The following UXS1 variants were observed in gnomAD, a reference collection of about 807,000 sequenced individuals.
The protein encoded by UXS1 is UDP-glucuronate decarboxylase 1.
A neutral mutation model predicts 62.6 loss-of-function variants in UXS1; 33 were observed. The ratio of observed to expected loss-of-function variants is 0.53; its 90% confidence interval spans 0.40 to 0.70. UXS1 has a LOEUF of 0.70. Among genes scored for constraint, UXS1 ranks in the 30% least tolerant of loss-of-function variants. UXS1 has a pLI of 0.00. For synonymous variants in UXS1, 213 were observed against 206.8 expected (o/e 1.03, Z -0.26); for missense variants, 434 against 556.3 (o/e 0.78, Z 2.21).
At chr2:106,152,697 G>T (rs1195750797) in intron 5 of UXS1, among the ~76,000 whole-genome samples, 1 of 152,092 alleles carries the variant, frequency 6.6e-6, no homozygotes, top group African/African-American at 2.4e-5. Context: ...TTTAGAGTGG[G>T]GAATGTGCTG....
At position 106,093,799 on chromosome 2, in the gene UXS1, G is replaced by T; in HGVS notation, c.*227C>A. 2.0e-6 allele frequency: 1 copy of T among 493,482 alleles called. No homozygotes were observed. Among genetic ancestry groups the T allele is most frequent in the East Asian group, 3.6e-5 (1 of 27,556 alleles). 30.6% of individuals were successfully genotyped at this position (493,482 alleles called of 1,614,324 possible). A position where few individuals can be genotyped will look rare whatever the true frequency, so the allele number is the denominator to read the frequency against. On this transcript the variant is annotated 3_prime_UTR_variant, in exon 15 of 15. Transcript: ENST00000283148. ...TGAAAATACGCAGAGATGCATCTAC[G>T]CTATTTTACATAAAAAGAGAGATTC...
Position 106,093,960 on chromosome 2 carries a change from A to G in UXS1, c.*66T>C, listed in dbSNP as rs1415158198. ...TAAAGTCTTTCTTTAAACGACAACAAAAAAAAGCCAAAAATACATCCCATC... is the reference window on the plus strand; with the variant it reads ...TAAAGTCTTTCTTTAAACGACAACAGAAAAAAGCCAAAAATACATCCCATC... On this transcript the variant is annotated 3_prime_UTR_variant, in exon 15 of 15. Coordinates refer to ENST00000283148, the MANE Select transcript of UXS1 (RefSeq NM_001253875.2). The G allele has an allele frequency of 6.1e-6, 9 of 1,479,404 alleles. No individual in the cohort carries two copies. The East Asian group carries it at 1.0e-4, about 17-fold the overall frequency. 91.6% of individuals were successfully genotyped at this position (1,479,404 alleles called of 1,614,324 possible).
chr2:106,180,559 G>A (rs1684180025), intron 1 of UXS1, among the ~76,000 whole-genome samples: 1 of 152,190 alleles, frequency 6.6e-6, no homozygotes, highest in African/African-American at 2.4e-5. Context: ...ATCTCCACCT[G>A]AGAAAATCAA....
At chr2:106,160,457 C>T (rs1019384427) in intron 4 of UXS1, 3 of 152,156 alleles carry the variant, frequency 2.0e-5, no homozygotes, top group African/African-American at 7.2e-5. Context: ...CCTTCTCTAC[C>T]GTGTATATGA....
At chr2:106,168,292 T>C (rs1221115157) in intron 1 of UXS1, among the ~76,000 whole-genome samples, 1 of 151,936 alleles carries the variant, frequency 6.6e-6, no homozygotes, top group African/African-American at 2.4e-5. Context: ...GCTACACTCT[T>C]ACCAGCGCCA....
chr2:106,148,914 T>C (rs1573512732), intron 5 of UXS1, among the ~76,000 whole-genome samples: 2 of 152,318 alleles, frequency 1.3e-5, no homozygotes, highest in African/African-American at 4.8e-5. Context: ...CTTTCCAGTA[T>C]AGGGGTTTGT....
At chr2:106,096,272 G>C (rs1009695698) in intron 14 of UXS1, among the ~76,000 whole-genome samples, 3 of 152,198 alleles carry the variant, frequency 2.0e-5, no homozygotes, top group Non-Finnish European at 4.4e-5. Context: ...GCATGTGAGT[G>C]AATGTGAGAA....
At chr2:106,191,033 C>T (rs554195009) in intron 1 of UXS1, among the ~76,000 whole-genome samples, 11 of 152,016 alleles carry the variant, frequency 7.2e-5, no homozygotes, top group South Asian at 2.1e-4. Flanking sequence ...TCCTCAGAAT[C>T]GGGATTTCAT....
chr2:106,096,898 A>T, intron 13 of UXS1, 77 bp from the exon 14 acceptor site: 1 of 1,382,284 alleles, frequency 7.2e-7, no homozygotes, highest in East Asian at 2.5e-5. Flanking sequence ...TCCACATCAA[A>T]GGCAAACCCC....
At chr2:106,165,320 A>G (rs1374482861) in intron 2 of UXS1, among the ~76,000 whole-genome samples, 1 of 152,134 alleles carries the variant, frequency 6.6e-6, no homozygotes, top group Non-Finnish European at 1.5e-5. Flanking sequence ...CCACATGAAA[A>G]GCCTCCTGAG....
rs1052526724 is a variant in UXS1 at position 106,140,607 on chromosome 2, T to C, written c.472+4583A>G. ...CCTCCATAGCAACTGAGCATCCAGG[T>C]AAAAGGCAGGTAATGGAAAGGGCTC... On this transcript the variant is annotated intron_variant, in intron 6 of 14. Transcript: ENST00000283148. Among the ~76,000 whole-genome samples the C allele has an allele frequency of 4.0e-5, 5 of 123,622 alleles. No individual in the cohort carries two copies. The Admixed American group carries it at 4.1e-4, about 10-fold the overall frequency. The allele number at this position is 123,622 out of a possible 152,430, so 81.1% of individuals were successfully genotyped here.
At chr2:106,190,739 G>A (rs1356626194) in intron 1 of UXS1, among the ~76,000 whole-genome samples, 3 of 37,438 alleles carry the variant, frequency 8.0e-5, no homozygotes, top group African/African-American at 2.9e-4. Context: ...GCGAAACTCT[G>A]TATCAAAAAA....
chr2:106,143,259 A>G (rs907756338), intron 6 of UXS1, among the ~76,000 whole-genome samples: 2 of 151,526 alleles, frequency 1.3e-5, no homozygotes, highest in South Asian at 4.2e-4. Flanking sequence ...AATACAAAAA[A>G]TCAGCCCAGC....
intron 6 of UXS1, among the ~76,000 whole-genome samples, chr2:106,139,265 C>A (rs1314100711): frequency 2.6e-5 from 4 of 152,108 alleles, no homozygotes. Context: ...TACAAGGCCA[C>A]GTGCTGGGAG....
chr2:106,094,592 C>A (rs530660396), intron 14 of UXS1, among the ~76,000 whole-genome samples: 2 of 152,174 alleles, frequency 1.3e-5, no homozygotes, highest in East Asian at 3.9e-4. Context: ...CTGATCAACA[C>A]GCCTGATTCT....
chr2:106,157,792 CATAGAG>C (rs1682556474), intron 5 of UXS1, among the ~76,000 whole-genome samples: 1 of 152,114 alleles, frequency 6.6e-6, no homozygotes, highest in South Asian at 2.1e-4. Flanking sequence ...AAGGCAGATT[CATAGAG>C]ATAGAGAGTA....
intron 11 of UXS1, among the ~76,000 whole-genome samples, chr2:106,104,493 T>A (rs1005883283): frequency 6.6e-6 from 1 of 152,136 alleles, no homozygotes; most frequent in African/African-American, 2.4e-5. Context: ...ATCTCTTAAC[T>A]CCACCTGCGC....
At chr2:106,105,929 C>T (rs935725368) in intron 10 of UXS1, among the ~76,000 whole-genome samples, 6 of 152,112 alleles carry the variant, frequency 3.9e-5, no homozygotes, top group Admixed American at 3.9e-4. Context: ...GGTCTCTTCC[C>T]GCCTGACAGC....
At chr2:106,097,375 G>A in intron 13 of UXS1, 1 of 367,436 alleles carries the variant, frequency 2.7e-6, no homozygotes, top group South Asian at 1.9e-5. Context: ...CTGGCCAGCA[G>A]TACACAGCCC....
Sources: allele counts gnomAD v4.1 joint callset (sites outside exome capture counted in the v4.1 genomes callset), GRCh38; gene constraint gnomAD v4.1.1; transcripts MANE v1.5; gene names NCBI Gene and HGNC (gene_info 2026-07-23, HGNC 2026-07-21).